Variants in SEMA5A observed in about 807,000 individuals in gnomAD.
SEMA5A encodes semaphorin 5A.
SEMA5A carries 55 observed loss-of-function variants against 135.5 expected under a neutral mutation model. That is an observed-to-expected ratio of 0.41 (90% CI 0.33 to 0.51). The LOEUF (loss-of-function observed/expected upper bound fraction) is 0.51, where lower values mean the gene tolerates loss of function less well. Ranked by LOEUF, SEMA5A falls within the 20% of genes least tolerant of loss-of-function variation. The pLI is 0.37. For synonymous variants in SEMA5A, 580 were observed against 546.5 expected, an observed-to-expected ratio of 1.06 and a Z score of -0.85; for missense variants, 1,290 against 1,419.9, an observed-to-expected ratio of 0.91 and a Z score of 1.47.
At chr5:9,492,880 G>A (rs1460512076) in intron 1 of SEMA5A, among the ~76,000 whole-genome samples, 1 of 152,168 alleles carries the variant, frequency 6.6e-6, no homozygotes, top group African/African-American at 2.4e-5. Context: ...GGGATGAACA[G>A]GAGAGCACAG....
At chr5:9,202,284 C>A in intron 8 of SEMA5A, 44 bp from the exon 9 acceptor site, 1 of 1,591,052 alleles carries the variant, frequency 6.3e-7, no homozygotes, top group South Asian at 1.1e-5. Context: ...ACATTCATGT[C>A]ATTCCCTTTT....
intron 5 of SEMA5A, among the ~76,000 whole-genome samples, chr5:9,285,170 G>A (rs1051236442): frequency 6.6e-6 from 1 of 151,900 alleles, no homozygotes; most frequent in Non-Finnish European, 1.5e-5. Flanking sequence ...TCCAACTATC[G>A]TCTAGTATGT....
At chr5:9,349,855 T>C (rs925467022) in intron 3 of SEMA5A, among the ~76,000 whole-genome samples, 1 of 152,044 alleles carries the variant, frequency 6.6e-6, no homozygotes, top group African/African-American at 2.4e-5. Flanking sequence ...TGTGCCGAGA[T>C]TGCGCCACTG....
rs772540431 is a variant in SEMA5A, at chr5:9,154,653, G to T, written c.1316C>A (p.Thr439Asn). Reference protein sequence around the residue: ...IKKVRVPLNQTSSSCLLEEIE... With the variant: ...IKKVRVPLNQNSSSCLLEEIE... ...CTCTTCCAGCAAACAGCTGCTTGAG[G>T]TCTGATTCAGGGGTACCCGCACTTT... Residue 439 changes from threonine to asparagine, a missense_variant, in exon 12 of 23, where the codon ACC becomes AAC. Transcript: ENST00000382496. 46 of 1,613,960 alleles carry T rather than the reference G, an allele frequency of 2.9e-5. No homozygotes were observed. The South Asian group carries it at 4.7e-4, about 17-fold the overall frequency.
chr5:9,285,626 C>T (rs1561107870), intron 5 of SEMA5A, among the ~76,000 whole-genome samples: 2 of 152,364 alleles, frequency 1.3e-5, no homozygotes, highest in African/African-American at 4.8e-5. Flanking sequence ...GTTCCCACAA[C>T]ATCTGTTTCT....
chr5:9,448,625 G>A lies in SEMA5A; in HGVS notation c.-174-10773C>T, dbSNP rs1279965712. Among the ~76,000 whole-genome samples, 8 of 152,184 alleles carry A rather than the reference G, an allele frequency of 5.3e-5. No individual in the cohort carries two copies. In the East Asian group the frequency reaches 1.5e-3, roughly 29 times the overall value. Reference sequence around the variant, plus strand: ...TGAGATAGTAACACCTCTCCTCGTGGTACCTGTGAAGTTTATTTATGAAAC... The same window carrying A: ...TGAGATAGTAACACCTCTCCTCGTGATACCTGTGAAGTTTATTTATGAAAC... On this transcript the variant is annotated intron_variant, in intron 1 of 22. Transcript: ENST00000382496.
intron 1 of SEMA5A, among the ~76,000 whole-genome samples, chr5:9,485,567 C>T (rs1734662313): frequency 6.6e-6 from 1 of 152,192 alleles, no homozygotes. Context: ...CTGCTCCACC[C>T]TGTGTCAAGC....
chr5:9,191,515 A>T (rs183152), intron 10 of SEMA5A, among the ~76,000 whole-genome samples: 3 of 152,172 alleles, frequency 2.0e-5, no homozygotes, highest in Non-Finnish European at 4.4e-5. Flanking sequence ...ATGGAAAAGA[A>T]TTTCCAGGCC....
chr5:9,295,263 A>G (rs1751276001), intron 5 of SEMA5A, among the ~76,000 whole-genome samples: 1 of 152,192 alleles, frequency 6.6e-6, no homozygotes, highest in African/African-American at 2.4e-5. Flanking sequence ...GATGATCAAC[A>G]GATTCTAGAA....
At chr5:9,317,816 A>C (rs1752455923) in intron 5 of SEMA5A, among the ~76,000 whole-genome samples, 1 of 152,188 alleles carries the variant, frequency 6.6e-6, no homozygotes, top group South Asian at 2.1e-4. Flanking sequence ...TTTGTGACTC[A>C]GATCTGCTAC....
intron 8 of SEMA5A, among the ~76,000 whole-genome samples, chr5:9,205,672 G>T (rs1745974254): frequency 6.6e-6 from 1 of 152,104 alleles, no homozygotes; most frequent in African/African-American, 2.4e-5. Context: ...TTTTCCTTTT[G>T]GTTTGCAAAA....
intron 11 of SEMA5A, among the ~76,000 whole-genome samples, chr5:9,182,074 G>A (rs962919442): frequency 3.3e-5 from 5 of 151,108 alleles, no homozygotes; most frequent in African/African-American, 1.2e-4. Flanking sequence ...TGAAAGCCCT[G>A]CCTCCCCCAT....
At chr5:9,454,778 T>C (rs1441086681) in intron 1 of SEMA5A, among the ~76,000 whole-genome samples, 2 of 152,240 alleles carry the variant, frequency 1.3e-5, no homozygotes, top group Non-Finnish European at 2.9e-5. Context: ...CCTTTTGGAA[T>C]GGAATTGGTT....
intron 5 of SEMA5A, among the ~76,000 whole-genome samples, chr5:9,239,551 A>G (rs915380254): frequency 2.0e-5 from 3 of 152,112 alleles, no homozygotes; most frequent in African/African-American, 7.2e-5. Flanking sequence ...TCTTTACAAA[A>G]TATTACTCAG....
At chr5:9,501,345 T>C (rs1369319813) in intron 1 of SEMA5A, among the ~76,000 whole-genome samples, 1 of 152,200 alleles carries the variant, frequency 6.6e-6, no homozygotes, top group African/African-American at 2.4e-5. Flanking sequence ...GAATTACCTT[T>C]ACTCTAAAGA....
chr5:9,285,176 T>C (rs890794049), intron 5 of SEMA5A, among the ~76,000 whole-genome samples: 3 of 152,216 alleles, frequency 2.0e-5, no homozygotes, highest in Non-Finnish European at 4.4e-5. Context: ...TATCGTCTAG[T>C]ATGTCTTCTA....
intron 5 of SEMA5A, among the ~76,000 whole-genome samples, chr5:9,263,932 A>G (rs1561085167): frequency 6.6e-6 from 1 of 152,072 alleles, no homozygotes; most frequent in Non-Finnish European, 1.5e-5. Context: ...ATCTCTCCCC[A>G]TCTCCCCTGC....
intron 5 of SEMA5A, chr5:9,280,824 C>T (rs1750503616): frequency 4.7e-6 from 2 of 427,204 alleles, no homozygotes; most frequent in African/African-American, 4.1e-5. Context: ...GGAAATTGTT[C>T]CAATTATGAA....
At chr5:9,339,460 C>G (rs1462817003) in intron 3 of SEMA5A, among the ~76,000 whole-genome samples, 4 of 152,210 alleles carry the variant, frequency 2.6e-5, no homozygotes, top group African/African-American at 4.8e-5. Context: ...CAAAAGAGAA[C>G]CCAATGGCTC....
Sources: allele counts gnomAD v4.1 joint callset (sites outside exome capture counted in the v4.1 genomes callset), GRCh38; gene constraint gnomAD v4.1.1; transcripts MANE v1.5; gene names NCBI Gene and HGNC (gene_info 2026-07-23, HGNC 2026-07-21).